Variants in GLIS3 observed in about 807,000 individuals in gnomAD.
GLIS3 encodes the protein zinc finger protein GLIS3.
Under a neutral mutation model 78.6 loss-of-function variants are expected in GLIS3, and 53 were observed. That is an observed-to-expected ratio of 0.67 (90% CI 0.54 to 0.85). GLIS3 has a LOEUF of 0.85. GLIS3 is among the 40% of genes least tolerant of loss of function. The pLI is 0.00. For missense variants in GLIS3, 1,703 were observed against 1,231.1 expected (o/e 1.38, Z -5.74); for synonymous variants, 684 against 509.9 (o/e 1.34, Z -4.60).
At chr9:3,845,761 A>C (rs989072825) in intron 9 of GLIS3, among the ~76,000 whole-genome samples, 4 of 152,134 alleles carry the variant, frequency 2.6e-5, no homozygotes, top group Admixed American at 6.5e-5. Flanking sequence ...CCACACACAC[A>C]CACAGTGGGG....
chr9:4,115,509 A>G (rs1331376790), intron 4 of GLIS3, among the ~76,000 whole-genome samples: 1 of 152,014 alleles, frequency 6.6e-6, no homozygotes, highest in Non-Finnish European at 1.5e-5. Flanking sequence ...AGAAAAATAC[A>G]TTTTTTTCCA....
intron 2 of GLIS3, among the ~76,000 whole-genome samples, chr9:4,169,982 G>A (rs1395885112): frequency 6.6e-6 from 1 of 152,244 alleles, no homozygotes; most frequent in South Asian, 2.1e-4. Context: ...ATGAAAAAGG[G>A]ATACGCCAGA....
chr9:4,168,785 T>C (rs1816108066), intron 2 of GLIS3, among the ~76,000 whole-genome samples: 2 of 152,196 alleles, frequency 1.3e-5, no homozygotes, highest in Admixed American at 6.5e-5. Context: ...GAAGGCCACA[T>C]TGGGATGCCT....
the GLIS3 span, among the ~76,000 whole-genome samples, chr9:4,450,637 A>G: frequency 6.6e-6 from 1 of 152,252 alleles, no homozygotes; most frequent in Non-Finnish European, 1.5e-5. Context: ...CCATCAGACT[A>G]ACAGCAGATC....
At chr9:4,321,406 A>G (rs1817525217) in intron 2 of GLIS3, among the ~76,000 whole-genome samples, 3 of 102,014 alleles carry the variant, frequency 2.9e-5, no homozygotes, top group African/African-American at 6.1e-5. Context: ...TGGGCCACAG[A>G]GCTAGACTCC....
chr9:3,896,993 C>G (rs1183211198), intron 7 of GLIS3, among the ~76,000 whole-genome samples: 1 of 152,116 alleles, frequency 6.6e-6, no homozygotes, highest in African/African-American at 2.4e-5. Flanking sequence ...CAAGCTGAAC[C>G]TTAAAATATT....
chr9:4,079,827 G>A (rs1026634219), intron 4 of GLIS3, among the ~76,000 whole-genome samples: 4 of 149,982 alleles, frequency 2.7e-5, no homozygotes, highest in African/African-American at 9.8e-5. Flanking sequence ...CAACATGTAA[G>A]AGAAATTCAA....
chr9:4,127,561 A>C (rs1007744680), intron 2 of GLIS3, among the ~76,000 whole-genome samples: 11 of 152,158 alleles, frequency 7.2e-5, no homozygotes, highest in African/African-American at 2.7e-4. Flanking sequence ...CTTTTATGTA[A>C]CTGCATCATA....
the GLIS3 span, among the ~76,000 whole-genome samples, chr9:4,490,061 A>G: frequency 6.6e-6 from 1 of 152,212 alleles, no homozygotes; most frequent in African/African-American, 2.4e-5. Flanking sequence ...CCCCGACTTG[A>G]AAGGGCACCC....
chr9:4,056,480 T>C (rs10974304), intron 4 of GLIS3, among the ~76,000 whole-genome samples: 37,372 of 152,102 alleles, frequency 0.25, 5,530 homozygotes, highest in South Asian at 0.44. Context: ...TGGAATACCT[T>C]TGGGAGAGGT....
At chr9:3,979,089 T>C (rs1479647523) in intron 4 of GLIS3, among the ~76,000 whole-genome samples, 4 of 152,136 alleles carry the variant, frequency 2.6e-5, no homozygotes, top group Admixed American at 2.6e-4. Flanking sequence ...TTTGCATGGA[T>C]ACTTAGGGAA....
chr9:4,381,620 G>A, the GLIS3 span, among the ~76,000 whole-genome samples: 1 of 150,986 alleles, frequency 6.6e-6, no homozygotes, highest in Non-Finnish European at 1.5e-5. Context: ...ACTGGGGCAT[G>A]CCTGTTTGTC....
intron 2 of GLIS3, among the ~76,000 whole-genome samples, chr9:4,254,685 C>A (rs188952131): frequency 4.0e-5 from 6 of 151,620 alleles, no homozygotes; most frequent in African/African-American, 1.5e-4. Flanking sequence ...ACTAAAAATA[C>A]AAAAATTAGC....
chr9:4,030,511 G>A (rs553091236), intron 4 of GLIS3, among the ~76,000 whole-genome samples: 1 of 152,246 alleles, frequency 6.6e-6, no homozygotes, highest in South Asian at 2.1e-4. Context: ...AGAAATCTCT[G>A]CCAAGACCAA....
At chr9:4,154,279 G>A (rs577842877) in intron 2 of GLIS3, among the ~76,000 whole-genome samples, 88 of 152,188 alleles carry the variant, frequency 5.8e-4, no homozygotes, top group Non-Finnish European at 6.3e-4. Flanking sequence ...GAGTGGGAGC[G>A]TCACATCACA....
At chr9:4,360,932 T>C in the GLIS3 span, among the ~76,000 whole-genome samples, 1 of 152,198 alleles carries the variant, frequency 6.6e-6, no homozygotes, top group Non-Finnish European at 1.5e-5. Context: ...ATGGCATTAT[T>C]TCCACAATAG....
At chr9:4,447,396 T>G in the GLIS3 span, among the ~76,000 whole-genome samples, 2 of 152,108 alleles carry the variant, frequency 1.3e-5, no homozygotes, top group Non-Finnish European at 2.9e-5. Context: ...TTAAGACATT[T>G]CAAATCTTAT....
At chr9:4,302,907 G>A (rs1330168261), upstream of GLIS3, among the ~76,000 whole-genome samples, 1 of 152,158 alleles carries the variant, frequency 6.6e-6, no homozygotes, top group African/African-American at 2.4e-5. Context: ...CAAAGAATGA[G>A]TAGAGAAGTG....
the GLIS3 span, among the ~76,000 whole-genome samples, chr9:4,464,535 C>A: frequency 6.6e-6 from 1 of 152,006 alleles, no homozygotes; most frequent in Non-Finnish European, 1.5e-5. Flanking sequence ...GCTGGGATTA[C>A]AAGTGCCCAC....
Sources: allele counts gnomAD v4.1 joint callset (sites outside exome capture counted in the v4.1 genomes callset), GRCh38; gene constraint gnomAD v4.1.1; transcripts MANE v1.5; gene names NCBI Gene and HGNC (gene_info 2026-07-23, HGNC 2026-07-21).